Variants in ZNF117 observed in about 807,000 individuals in gnomAD.
ZNF117 encodes zinc finger protein 117, also known as Krueppel-related zinc finger protein.
ZNF117 carries 37 observed loss-of-function variants against 41.2 expected under a neutral mutation model. The observed-to-expected ratio is 0.90, with a 90% CI of 0.69 to 1.18. The LOEUF is 1.18. Ranked by LOEUF, ZNF117 falls within the 50% of genes most tolerant of loss-of-function variation. The probability of loss-of-function intolerance (pLI) is 0.00; values close to 1 mark genes in which losing one functional copy is unlikely to be tolerated. For synonymous variants in ZNF117, 186 were observed against 186.6 expected (o/e 1.00, Z 0.02); for missense variants, 546 against 557.5 (o/e 0.98, Z 0.21).
At chr7:64,987,607 A>C (rs62456474) in intron 1 of ZNF117, among the ~76,000 whole-genome samples, 5,607 of 152,236 alleles carry the variant, frequency 0.037, 165 homozygotes, top group East Asian at 0.15. Context: ...AGGAACATTA[A>C]CCCTGACCCC....
chr7:64,974,603 T>C (rs1054150408), exon 3 of ZNF117: 16 of 151,942 alleles, frequency 1.1e-4, no homozygotes, highest in Admixed American at 9.2e-4. Context: ...GAGTAATATA[T>C]GGGTATAGTT....
exon 3 of ZNF117, chr7:64,978,407 G>A (rs780437584): frequency 1.9e-6 from 3 of 1,612,910 alleles, no homozygotes; most frequent in Non-Finnish European, 1.7e-6. Flanking sequence ...TACATTTGTG[G>A]GGATTCTCTC....
chr7:64,981,537 C>G, intron 1 of ZNF117, 55 bp from the exon 3 acceptor site: 11 of 1,382,870 alleles, frequency 8.0e-6, no homozygotes, highest in Non-Finnish European at 1.0e-5. Flanking sequence ...CAATTACCAA[C>G]TTGGTAATGT....
At chr7:64,984,488 G>A (rs897792697), upstream of ZNF117, among the ~76,000 whole-genome samples, 2 of 152,244 alleles carry the variant, frequency 1.3e-5, no homozygotes, top group Non-Finnish European at 2.9e-5. Flanking sequence ...GAGCTATTAT[G>A]GTTTTTGGGT....
chr7:64,978,053 A>G (rs1785928513), exon 3 of ZNF117: 1 of 1,528,148 alleles, frequency 6.5e-7, no homozygotes, highest in African/African-American at 1.4e-5. Flanking sequence ...AAGTTTTGCC[A>G]CATTCTTCAC....
At chr7:64,975,972 A>C (rs1785877704) in exon 3 of ZNF117, 1 of 152,120 alleles carries the variant, frequency 6.6e-6, no homozygotes, top group African/African-American at 2.4e-5. Flanking sequence ...AATATATTAC[A>C]TTTGCAGTTT....
At chr7:64,988,544 A>G (rs1786183503) in intron 1 of ZNF117, among the ~76,000 whole-genome samples, 1 of 152,194 alleles carries the variant, frequency 6.6e-6, no homozygotes, top group Admixed American at 6.6e-5. Flanking sequence ...CTGGCACAAG[A>G]CAAGGATGTT....
At chr7:64,984,311 T>A (rs1258035382), upstream of ZNF117, among the ~76,000 whole-genome samples, 1 of 152,196 alleles carries the variant, frequency 6.6e-6, no homozygotes, top group African/African-American at 2.4e-5. Context: ...TTTGTATTTT[T>A]AGTAGAGACA....
upstream of ZNF117, among the ~76,000 whole-genome samples, chr7:64,984,044 A>G (rs560697315): frequency 8.5e-5 from 13 of 152,362 alleles, no homozygotes; most frequent in South Asian, 2.7e-3. Context: ...GCAGAATTTT[A>G]TAAGGATTCT....
exon 3 of ZNF117, chr7:64,977,621 A>G (rs1785919364): frequency 2.8e-5 from 19 of 688,178 alleles, no homozygotes; most frequent in South Asian, 2.6e-4. Flanking sequence ...ACACTTGGCT[A>G]AAAGCTTTGC....
In ZNF117 at chr7:64,977,693, T is replaced by A; in HGVS notation, c.*426A>T. 3.7e-6 allele frequency: 3 copies of A among 820,492 alleles called. No individual in the cohort carries two copies. In the African/African-American group the frequency reaches 5.4e-5, roughly 15 times the overall value. 50.8% of individuals were successfully genotyped at this position (820,492 alleles called of 1,614,324 possible). ...GAATTTTCTTATGTGTAGTAAGGTT[T>A]ACGTATAGGTTGAAAGCTTTGCCAC... On this transcript the variant is annotated 3_prime_UTR_variant, in exon 3 of 3. Coordinates refer to ENST00000620222, the Ensembl canonical transcript of ZNF117.
At chr7:64,985,950 CA>C (rs66524694), upstream of ZNF117, among the ~76,000 whole-genome samples, 16 of 82,164 alleles carry the variant, frequency 1.9e-4, no homozygotes, top group East Asian at 2.2e-3. Flanking sequence ...GACTCCATCT[CA>C]AAAAAAAAAA....
upstream of ZNF117, among the ~76,000 whole-genome samples, chr7:64,985,814 G>T (rs949100252): frequency 6.6e-6 from 1 of 151,842 alleles, no homozygotes; most frequent in Non-Finnish European, 1.5e-5. Context: ...CAAAAAATTA[G>T]CCAGGTGTGG....
At chr7:64,973,135 T>A (rs948011791), downstream of ZNF117, 8 of 151,814 alleles carry the variant, frequency 5.3e-5, no homozygotes, top group South Asian at 2.1e-4. Context: ...CTTCACCCAC[T>A]AAAAAAATAA....
chr7:64,982,797 T>C (rs1786059299), upstream of ZNF117, among the ~76,000 whole-genome samples: 1 of 152,170 alleles, frequency 6.6e-6, no homozygotes, highest in Non-Finnish European at 1.5e-5. Context: ...ATCAGCAGCA[T>C]AAAGATACTT....
exon 3 of ZNF117, chr7:64,976,866 T>C (rs778544576): frequency 8.6e-6 from 4 of 464,588 alleles, no homozygotes; most frequent in South Asian, 1.5e-5. Flanking sequence ...TGAGATTTAG[T>C]TACAAGCATT....
At chr7:64,971,777 C>G (rs897023470), downstream of ZNF117, 3 of 151,958 alleles carry the variant, frequency 2.0e-5, no homozygotes, top group Non-Finnish European at 2.9e-5. Context: ...TAACATTGAT[C>G]TAGGCTGTGA....
chr7:64,984,311 T>C (rs1258035382), upstream of ZNF117, among the ~76,000 whole-genome samples: 1 of 152,196 alleles, frequency 6.6e-6, no homozygotes. Context: ...TTTGTATTTT[T>C]AGTAGAGACA....
chr7:64,983,781 A>G (rs917433481), upstream of ZNF117, among the ~76,000 whole-genome samples: 3 of 152,232 alleles, frequency 2.0e-5, no homozygotes, highest in Admixed American at 6.5e-5. Flanking sequence ...TCATTCACAG[A>G]CACCATGGGA....
Sources: allele counts gnomAD v4.1 joint callset (sites outside exome capture counted in the v4.1 genomes callset), GRCh38; gene constraint gnomAD v4.1.1; transcripts MANE v1.5; gene names NCBI Gene and HGNC (gene_info 2026-07-23, HGNC 2026-07-21).